The following ANXA8 variants were observed in gnomAD, a reference collection of about 807,000 sequenced individuals.
ANXA8 encodes VAC-beta.
A neutral mutation model predicts 26.8 loss-of-function variants in ANXA8; 9 were observed. That is an observed-to-expected ratio of 0.34 (90% CI 0.20 to 0.59). ANXA8 has a LOEUF of 0.59. ANXA8 is among the 20% of genes least tolerant of loss of function. The pLI, the probability that ANXA8 is intolerant of heterozygous loss-of-function variation, is 0.84. For synonymous variants in ANXA8, 39 were observed against 94.8 expected, an observed-to-expected ratio of 0.41 and a Z score of 3.42; for missense variants, 83 against 238.5, an observed-to-expected ratio of 0.35 and a Z score of 4.29.
chr10:47,548,899 G>T, the ANXA8 span, among the ~76,000 whole-genome samples: 1 of 152,262 alleles, frequency 6.6e-6, no homozygotes, highest in South Asian at 2.1e-4. Flanking sequence ...CACCTCAAGG[G>T]TGTATCAAGG....
the ANXA8 span, among the ~76,000 whole-genome samples, chr10:47,535,099 C>T: frequency 2.4e-5 from 3 of 123,268 alleles, no homozygotes; most frequent in Non-Finnish European, 1.6e-5. Context: ...CTCAGTCTCC[C>T]GGGTAGCTAA....
At chr10:47,704,264 C>T in the ANXA8 span, among the ~76,000 whole-genome samples, 11 of 144,094 alleles carry the variant, frequency 7.6e-5, no homozygotes, top group East Asian at 2.7e-3. Context: ...ACTATTTTTG[C>T]AACTTTTTTG....
At chr10:47,671,368 G>A in the ANXA8 span, among the ~76,000 whole-genome samples, 25 of 151,978 alleles carry the variant, frequency 1.6e-4, 1 homozygote, top group Admixed American at 1.4e-3. Flanking sequence ...GCTGTGGTGA[G>A]CCGAGATCGT....
chr10:47,733,211 T>TCTCTC, the ANXA8 span, among the ~76,000 whole-genome samples: 5 of 82,314 alleles, frequency 6.1e-5, no homozygotes, highest in African/African-American at 8.9e-5. Flanking sequence ...CTTTCTTTCT[T>TCTCTC]TCTTTCTTTC....
chr10:47,679,353 C>T, the ANXA8 span, among the ~76,000 whole-genome samples: 1 of 152,290 alleles, frequency 6.6e-6, no homozygotes, highest in Admixed American at 6.5e-5. Context: ...CATGGTGGCT[C>T]ATGCCTGTAA....
chr10:47,579,422 G>A, the ANXA8 span, among the ~76,000 whole-genome samples: 3 of 63,074 alleles, frequency 4.8e-5, no homozygotes, highest in Admixed American at 1.8e-4. Flanking sequence ...GATTACAGGC[G>A]TGAGTCCAAC....
the ANXA8 span, among the ~76,000 whole-genome samples, chr10:47,507,923 C>A: frequency 1.2e-5 from 1 of 85,732 alleles, no homozygotes; most frequent in African/African-American, 4.6e-5. Flanking sequence ...GACCCAGAGT[C>A]TGTCTCTCTT....
the ANXA8 span, among the ~76,000 whole-genome samples, chr10:47,534,236 A>G: frequency 4.9e-5 from 6 of 122,162 alleles, no homozygotes; most frequent in Non-Finnish European, 9.6e-5. Flanking sequence ...AGGCACAGGT[A>G]GACAAGGCAT....
chr10:47,510,130 G>A, the ANXA8 span: 46 of 1,185,148 alleles, frequency 3.9e-5, 7 homozygotes, highest in South Asian at 6.2e-5. Flanking sequence ...AATAATTTCC[G>A]AATAAAGGAA....
chr10:47,547,425 GATATAC>G, the ANXA8 span, among the ~76,000 whole-genome samples: 2 of 132,702 alleles, frequency 1.5e-5, no homozygotes, highest in South Asian at 2.5e-4. Context: ...TATCTGGAAG[GATATAC>G]ATATACATAT....
chr10:47,700,438 C>G, the ANXA8 span, among the ~76,000 whole-genome samples: 1 of 151,848 alleles, frequency 6.6e-6, no homozygotes, highest in African/African-American at 2.4e-5. Flanking sequence ...GCTGAGACAA[C>G]TGGGTAGCCA....
chr10:47,530,413 C>A, the ANXA8 span, among the ~76,000 whole-genome samples: 1 of 149,266 alleles, frequency 6.7e-6, no homozygotes, highest in Admixed American at 6.7e-5. Context: ...ACAGGCCAGG[C>A]GCGGTGGCTC....
At chr10:47,555,810 C>T in the ANXA8 span, among the ~76,000 whole-genome samples, 1 of 152,068 alleles carries the variant, frequency 6.6e-6, no homozygotes, top group Non-Finnish European at 1.5e-5. Flanking sequence ...GTGGAAAACC[C>T]ACACATTTGG....
chr10:47,577,351 A>G, the ANXA8 span, among the ~76,000 whole-genome samples: 1 of 148,668 alleles, frequency 6.7e-6, no homozygotes, highest in Non-Finnish European at 1.5e-5. Context: ...CCTGGGCGAC[A>G]TAAGGAGACC....
At chr10:47,632,149 A>C in the ANXA8 span, among the ~76,000 whole-genome samples, 1 of 152,254 alleles carries the variant, frequency 6.6e-6, no homozygotes. Flanking sequence ...TTACTTTAAA[A>C]TTATGTTGAG....
At chr10:47,717,400 C>T in the ANXA8 span, among the ~76,000 whole-genome samples, 1 of 70,648 alleles carries the variant, frequency 1.4e-5, no homozygotes, top group Non-Finnish European at 2.5e-5. Context: ...GCAACTTTTC[C>T]CTAACCTATT....
the ANXA8 span, among the ~76,000 whole-genome samples, chr10:47,779,286 A>G: frequency 1.1e-5 from 1 of 90,954 alleles, no homozygotes; most frequent in Non-Finnish European, 2.1e-5. Context: ...GAAATTTCCA[A>G]CTGTTTCCTT....
intron 1 of ANXA8, among the ~76,000 whole-genome samples, chr10:47,482,074 C>A (rs1362639360): frequency 7.1e-6 from 1 of 139,874 alleles, no homozygotes; most frequent in African/African-American, 2.7e-5. Context: ...GCAGATGGAC[C>A]CTGCCTGCAG....
In ANXA8 at chr10:47,478,587, T is replaced by G. The variant is rs2132419218; in HGVS notation, c.153A>C (p.Arg51Ser). 9.2e-7 allele frequency: 1 copy of G among 1,088,628 alleles called. No homozygotes were observed. Among genetic ancestry groups the G allele is most frequent in the Non-Finnish European group, 1.3e-6 (1 of 781,508 alleles). The allele number at this position is 1,088,628 out of a possible 1,614,324, so 67.4% of individuals were successfully genotyped here. A position where few individuals can be genotyped will look rare whatever the true frequency, so the allele number is the denominator to read the frequency against. The change falls in exon 3 of 12, where the codon AGA (arginine) becomes AGC (serine). Residue 51 changes from arginine to serine, a missense_variant. Transcript: ENST00000585281. ...CGATCTGCTGCCGCTGCGTGTTGCT[T>G]CTCTTGGTGAGCACATCGATGATAG... ...EQAIIDVLTK[R>S]SNTQRQQIAK... is the part of the protein sequence containing the mutation.
Sources: allele counts gnomAD v4.1 joint callset (sites outside exome capture counted in the v4.1 genomes callset), GRCh38; gene constraint gnomAD v4.1.1; transcripts MANE v1.5; gene names NCBI Gene and HGNC (gene_info 2026-07-23, HGNC 2026-07-21).